The following BORCS5 variants were observed in gnomAD, a reference collection of about 807,000 sequenced individuals.
BORCS5 encodes the protein BLOC-1 related complex subunit 5, also known as BLOC-1-related complex subunit 5.
In BORCS5, 17 loss-of-function variants were observed where a neutral mutation model predicts 22.1. That is an observed-to-expected ratio of 0.77 (90% CI 0.53 to 1.15). The LOEUF (loss-of-function observed/expected upper bound fraction) is 1.15. Ranked by LOEUF, BORCS5 falls within the 50% of genes most tolerant of loss-of-function variation. The pLI is 0.00. For missense variants in BORCS5, 247 were observed against 253.2 expected, an observed-to-expected ratio of 0.98 and a Z score of 0.17; for synonymous variants, 117 against 99.8, an observed-to-expected ratio of 1.17 and a Z score of -1.03.
chr12:12,456,756 T>TA (rs1295576599), intron 3 of BORCS5, among the ~76,000 whole-genome samples: 12 of 152,082 alleles, frequency 7.9e-5, no homozygotes, highest in Non-Finnish European at 1.3e-4. Flanking sequence ...TTTCAGTTAT[T>TA]ACGTAGTGCG....
At chr12:12,357,928 G>A (rs1178081770) in intron 1 of BORCS5, among the ~76,000 whole-genome samples, 1 of 152,162 alleles carries the variant, frequency 6.6e-6, no homozygotes, top group Admixed American at 6.5e-5. Context: ...TATGTGATAG[G>A]TGTCCACTTG....
chr12:12,397,852 T>G (rs1267661404), intron 2 of BORCS5, among the ~76,000 whole-genome samples: 2 of 152,196 alleles, frequency 1.3e-5, no homozygotes, highest in Non-Finnish European at 2.9e-5. Context: ...TCCTCTTCTC[T>G]TTCCTCTAAG....
chr12:12,375,134 C>T (rs1208017146), intron 2 of BORCS5, among the ~76,000 whole-genome samples: 4 of 152,096 alleles, frequency 2.6e-5, no homozygotes, highest in Middle Eastern at 3.2e-3. Flanking sequence ...GACTCAGCCT[C>T]CTGAGTAGCT....
intron 2 of BORCS5, among the ~76,000 whole-genome samples, chr12:12,368,543 C>A (rs73061458): frequency 0.011 from 1,605 of 151,896 alleles, 13 homozygotes; most frequent in Non-Finnish European, 0.017. Flanking sequence ...CTCCCGGGCA[C>A]AAATGATCTT....
intron 2 of BORCS5, among the ~76,000 whole-genome samples, chr12:12,416,951 T>G (rs1348362470): frequency 6.6e-6 from 1 of 151,068 alleles, no homozygotes; most frequent in Non-Finnish European, 1.5e-5. Flanking sequence ...CTGGCTACTT[T>G]TTGTATTTTT....
Position 12,466,534 on chromosome 12 carries a change from C to T in BORCS5, c.*758C>T, listed in dbSNP as rs897055726. 6.6e-6 allele frequency: 1 copy of T among 152,094 alleles called. No individual in the cohort carries two copies. Among genetic ancestry groups the T allele is most frequent in the African/African-American group, 2.4e-5 (1 of 41,408 alleles). The allele number at this position is 152,094 out of a possible 1,614,324, so 9.4% of individuals were successfully genotyped here. A position where few individuals can be genotyped will look rare whatever the true frequency, so the allele number is the denominator to read the frequency against. ...TGTGTCCAATATTGTGCCAGGGATA[C>T]AAATATGGCCGTATAGCCTCAGGCC... On this transcript the variant is annotated 3_prime_UTR_variant, in exon 4 of 4. Transcript: ENST00000314565.
chr12:12,466,991 C>T lies in BORCS5; in HGVS notation c.*1215C>T, dbSNP rs960995701. Reference sequence around the variant, plus strand: ...TTGCTCAGGCTGGAGTGCAGTGGCGCAATCATAGCACACTGACTCCTCAAA... The same window carrying T: ...TTGCTCAGGCTGGAGTGCAGTGGCGTAATCATAGCACACTGACTCCTCAAA... On this transcript the variant is annotated 3_prime_UTR_variant, in exon 4 of 4. Transcript: ENST00000314565. The T allele has an allele frequency of 6.6e-6, 1 of 152,180 alleles. No individual in the cohort carries two copies. The highest frequency in any genetic ancestry group is 2.4e-5 in the African/African-American group (1 of 41,420). The allele number at this position is 152,180 out of a possible 1,614,324, so 9.4% of individuals were successfully genotyped here. A position where few individuals can be genotyped will look rare whatever the true frequency, so the allele number is the denominator to read the frequency against.
intron 3 of BORCS5, among the ~76,000 whole-genome samples, chr12:12,446,880 G>C (rs552962559): frequency 6.6e-6 from 1 of 152,298 alleles, no homozygotes; most frequent in East Asian, 1.9e-4. Context: ...GGACCATACG[G>C]AGCTATGTAA....
chr12:12,456,283 T>C (rs1942996987), intron 3 of BORCS5, among the ~76,000 whole-genome samples: 1 of 152,064 alleles, frequency 6.6e-6, no homozygotes, highest in Non-Finnish European at 1.5e-5. Context: ...AAATAAAAAT[T>C]AGCCAGGCAT....
chr12:12,415,556 A>AGGGGGGAGGGG (rs1555151610), intron 2 of BORCS5, among the ~76,000 whole-genome samples: 1 of 3,300 alleles, frequency 3.0e-4, no homozygotes, highest in African/African-American at 5.6e-4. Context: ...GACCGTGGAG[A>AGGGGGGAGGGG]GAGGGGGAGG....
chr12:12,407,746 C>G (rs1382156681), intron 2 of BORCS5, among the ~76,000 whole-genome samples: 2 of 149,440 alleles, frequency 1.3e-5, no homozygotes, highest in South Asian at 2.1e-4. Context: ...CACGCTGTCA[C>G]CCAGGCTAGA....
At chr12:12,455,259 T>C (rs1942977924) in intron 3 of BORCS5, among the ~76,000 whole-genome samples, 1 of 152,218 alleles carries the variant, frequency 6.6e-6, no homozygotes, top group South Asian at 2.1e-4. Context: ...AGGCAGCCTT[T>C]GGTTAGCTGA....
intron 3 of BORCS5, among the ~76,000 whole-genome samples, chr12:12,451,491 T>C (rs1478249014): frequency 2.6e-5 from 4 of 151,882 alleles, no homozygotes; most frequent in Non-Finnish European, 5.9e-5. Flanking sequence ...AGCCAATACA[T>C]AGAGGCATGC....
In BORCS5 at chr12:12,357,105, C is replaced by G; in HGVS notation, c.-347C>G. ...CTGCGTCCCGGAAGGAGCGAGCTTG[C>G]GGAGCGTGAACCAGTGAGTGAAAGC... is the stretch of plus-strand genomic sequence containing the variant. On this transcript the variant is annotated 5_prime_UTR_variant, in exon 1 of 4. Coordinates refer to ENST00000314565, the MANE Select transcript of BORCS5 (RefSeq NM_058169.6). The G allele has an allele frequency of 6.5e-7, 1 of 1,534,440 alleles. No individual in the cohort carries two copies. Among genetic ancestry groups the G allele is most frequent in the Non-Finnish European group, 8.7e-7 (1 of 1,146,028 alleles).
chr12:12,458,323 T>C (rs1943036003), intron 3 of BORCS5, among the ~76,000 whole-genome samples: 1 of 152,166 alleles, frequency 6.6e-6, no homozygotes, highest in Admixed American at 6.5e-5. Context: ...TAGCCCATAT[T>C]TCCCCCTCAA....
At chr12:12,423,684 C>A (rs201556715) in intron 2 of BORCS5, among the ~76,000 whole-genome samples, 1 of 93,644 alleles carries the variant, frequency 1.1e-5, no homozygotes, top group Non-Finnish European at 2.3e-5. Flanking sequence ...TCAAATTTCT[C>A]GTTGTCTTTT....
intron 1 of BORCS5, among the ~76,000 whole-genome samples, chr12:12,360,558 T>A (rs1435282389): frequency 2.8e-5 from 4 of 141,964 alleles, no homozygotes; most frequent in Non-Finnish European, 4.5e-5. Context: ...ATCTGACTAA[T>A]TAAAAGAAAT....
chr12:12,451,609 C>T lies in BORCS5; in HGVS notation c.361-13937C>T, dbSNP rs918963585. 4.6e-5 allele frequency among the ~76,000 whole-genome samples: 7 copies of T among 152,270 alleles called. No individual in the cohort carries two copies. In the East Asian group the frequency reaches 5.8e-4, roughly 13 times the overall value. On this transcript the variant is annotated intron_variant, in intron 3 of 3. Transcript: ENST00000314565. The stretch of plus-strand genomic sequence containing the variant: ...GAAAAGCAACATTGAACTGGCTGGG[C>T]GCAGTGGCTCACGCCTCTAATCCCA...
intron 2 of BORCS5, among the ~76,000 whole-genome samples, chr12:12,414,739 C>T (rs1266379172): frequency 7.4e-6 from 1 of 135,060 alleles, no homozygotes. Flanking sequence ...CGGAGACGCT[C>T]CTCACTTCCC....
Sources: gnomAD v4.1 joint callset for allele counts (sites outside exome capture counted in the v4.1 genomes callset) on GRCh38, gnomAD v4.1.1 for gene constraint, MANE v1.5 for transcripts, NCBI Gene and HGNC (gene_info 2026-07-23, HGNC 2026-07-21) for gene names.